Variants in MELK observed in about 807,000 individuals in gnomAD.
MELK encodes the protein maternal embryonic leucine zipper kinase.
In MELK, 81 loss-of-function variants were observed where a neutral mutation model predicts 85.0. That is an observed-to-expected ratio of 0.95 (90% CI 0.80 to 1.15). The LOEUF is 1.15. Ranked by LOEUF, MELK falls within the 50% of genes most tolerant of loss-of-function variation. The pLI is 0.00. For synonymous variants in MELK, 252 were observed against 265.0 expected (o/e 0.95, Z 0.48); for missense variants, 754 against 777.5 (o/e 0.97, Z 0.36).
intron 13 of MELK, among the ~76,000 whole-genome samples, chr9:36,662,880 G>T (rs1831991347): frequency 6.6e-6 from 1 of 151,990 alleles, no homozygotes; most frequent in Admixed American, 6.6e-5. Context: ...CACCTCCAGG[G>T]AACACACCAT....
intron 12 of MELK, among the ~76,000 whole-genome samples, chr9:36,655,702 G>A (rs953046127): frequency 6.6e-6 from 1 of 152,196 alleles, no homozygotes; most frequent in Non-Finnish European, 1.5e-5. Context: ...ACCCATGACA[G>A]CCGTCATTCG....
chr9:36,643,642 A>G (rs1458540977), intron 11 of MELK, among the ~76,000 whole-genome samples: 1 of 152,004 alleles, frequency 6.6e-6, no homozygotes, highest in Non-Finnish European at 1.5e-5. Context: ...AAAAATAATT[A>G]AGAAACAACT....
intron 8 of MELK, among the ~76,000 whole-genome samples, chr9:36,610,001 T>C (rs995170501): frequency 6.6e-6 from 1 of 151,866 alleles, no homozygotes; most frequent in Admixed American, 6.6e-5. Flanking sequence ...TTAGAGGAAG[T>C]GAGGTTTGAG....
At chr9:36,626,418 G>C (rs993311739) in intron 8 of MELK, among the ~76,000 whole-genome samples, 2 of 152,126 alleles carry the variant, frequency 1.3e-5, no homozygotes, top group African/African-American at 2.4e-5. Flanking sequence ...AACTTACTGA[G>C]GCTCCAGAAG....
At chr9:36,618,836 C>A (rs1453324791) in intron 8 of MELK, among the ~76,000 whole-genome samples, 2 of 152,152 alleles carry the variant, frequency 1.3e-5, no homozygotes, top group Non-Finnish European at 2.9e-5. Context: ...AGTGAGCGTA[C>A]TAGTGCCGAT....
intron 7 of MELK, among the ~76,000 whole-genome samples, chr9:36,607,214 C>A (rs1396897829): frequency 6.6e-6 from 1 of 152,200 alleles, no homozygotes; most frequent in Non-Finnish European, 1.5e-5. Context: ...TTTACATAAT[C>A]TTCATATGTA....
chr9:36,619,935 G>A (rs1006225559), intron 8 of MELK, among the ~76,000 whole-genome samples: 3 of 152,174 alleles, frequency 2.0e-5, no homozygotes, highest in African/African-American at 4.8e-5. Flanking sequence ...GTTTGCTGGC[G>A]TGCATATTCT....
rs552472992 is a variant in MELK, at chr9:36,653,251, A to G, written c.1053+1374A>G. 3.5e-4 allele frequency among the ~76,000 whole-genome samples: 54 copies of G among 152,200 alleles called. 2 individuals carry two copies. In the South Asian group the frequency reaches 4.6e-3, roughly 13 times the overall value. On this transcript the variant is annotated intron_variant, in intron 12 of 17. Coordinates refer to ENST00000298048, the MANE Select transcript of MELK (RefSeq NM_014791.4). ...AGCCTTAACCTTCCAGGCTCAAGCA[A>G]TCCTCCTGCCTCAGCCTCCCTAGTA...
In MELK at chr9:36,658,410, G is replaced by T. The variant is rs1463869144; in HGVS notation, c.1176+1047G>T. On this transcript the variant is annotated intron_variant, in intron 13 of 17. Coordinates refer to ENST00000298048, the MANE Select transcript of MELK (RefSeq NM_014791.4). The stretch of plus-strand genomic sequence containing the variant: ...AGATTCTTTCTTCTGCTTACTGAAA[G>T]TTCTGTTTAATCCCTCTAGTGAATT... 3.9e-5 allele frequency among the ~76,000 whole-genome samples: 6 copies of T among 152,198 alleles called. No individual in the cohort carries two copies. The East Asian group carries it at 1.2e-3, about 29-fold the overall frequency.
intron 8 of MELK, among the ~76,000 whole-genome samples, chr9:36,618,697 A>G (rs537455984): frequency 2.4e-4 from 36 of 152,262 alleles, no homozygotes; most frequent in Middle Eastern, 3.4e-3. Flanking sequence ...TGTCTATTCA[A>G]TGAGGATTTA....
chr9:36,666,853 TTGTGTGTGTGTGTGTGTGTGTGTGTG>T (rs5897643), intron 14 of MELK, among the ~76,000 whole-genome samples: 112 of 130,838 alleles, frequency 8.6e-4, no homozygotes, highest in South Asian at 3.8e-3. Context: ...ATGTCTGTGT[TTGTGTGTGTGTGTGTGTGTGTGTGTG>T]TGTGTGTGTG....
chr9:36,658,979 T>G (rs1831532093), intron 13 of MELK, among the ~76,000 whole-genome samples: 1 of 151,894 alleles, frequency 6.6e-6, no homozygotes, highest in Non-Finnish European at 1.5e-5. Flanking sequence ...CCTCCTGGGT[T>G]CATGCCATTC....
intron 1 of MELK, among the ~76,000 whole-genome samples, chr9:36,577,904 C>T (rs1821816435): frequency 6.6e-6 from 1 of 152,096 alleles, no homozygotes; most frequent in Non-Finnish European, 1.5e-5. Context: ...CCGCCTGCCT[C>T]AGCCTCCCAA....
At chr9:36,618,513 T>C (rs1465999761) in intron 8 of MELK, among the ~76,000 whole-genome samples, 2 of 152,332 alleles carry the variant, frequency 1.3e-5, no homozygotes, top group African/African-American at 4.8e-5. Context: ...AGTCCTTATT[T>C]AAAATAGTCT....
chr9:36,589,347 A>G (rs1823285393), intron 3 of MELK, among the ~76,000 whole-genome samples, 189 bp from the exon 4 acceptor site: 1 of 151,910 alleles, frequency 6.6e-6, no homozygotes, highest in Non-Finnish European at 1.5e-5. Flanking sequence ...ACAGGGTTTC[A>G]TCGTGTTAGC....
At chr9:36,644,472 A>G (rs949405478) in intron 11 of MELK, among the ~76,000 whole-genome samples, 2 of 152,236 alleles carry the variant, frequency 1.3e-5, no homozygotes, top group Non-Finnish European at 2.9e-5. Flanking sequence ...ATATAAAGGA[A>G]TTCTTCTGAA....
At chr9:36,612,380 C>T (rs749732642) in intron 8 of MELK, among the ~76,000 whole-genome samples, 2 of 151,386 alleles carry the variant, frequency 1.3e-5, no homozygotes, top group Admixed American at 6.6e-5. Flanking sequence ...CAGGCATGAG[C>T]CACCACATCT....
At chr9:36,616,004 G>A (rs1423179091) in intron 8 of MELK, among the ~76,000 whole-genome samples, 2 of 152,148 alleles carry the variant, frequency 1.3e-5, no homozygotes, top group African/African-American at 2.4e-5. Flanking sequence ...CAAGGCAGGC[G>A]GCTGCTCCTT....
intron 8 of MELK, among the ~76,000 whole-genome samples, chr9:36,627,792 G>T (rs1345258644): frequency 6.6e-6 from 1 of 152,026 alleles, no homozygotes; most frequent in Non-Finnish European, 1.5e-5. Flanking sequence ...CTCCCAAAGT[G>T]CTGGGATTAC....
Sources: allele counts gnomAD v4.1 joint callset (sites outside exome capture counted in the v4.1 genomes callset), GRCh38; gene constraint gnomAD v4.1.1; transcripts MANE v1.5; gene names NCBI Gene and HGNC (gene_info 2026-07-23, HGNC 2026-07-21).